The following ZMYM2 variants were observed in gnomAD, a reference collection of about 807,000 sequenced individuals.
The protein encoded by ZMYM2 is zinc finger MYM-type containing 2, also known as zinc finger MYM-type protein 2.
In ZMYM2, 56 loss-of-function variants were observed where a neutral mutation model predicts 162.8. The ratio of observed to expected loss-of-function variants is 0.34; its 90% CI spans 0.28 to 0.43. ZMYM2 has a LOEUF of 0.43. ZMYM2 is among the 20% of genes least tolerant of loss of function. The pLI is 1.00. For synonymous variants in ZMYM2, 510 were observed against 541.6 expected, an observed-to-expected ratio of 0.94 and a Z score of 0.81; for missense variants, 1,275 against 1,621.8, an observed-to-expected ratio of 0.79 and a Z score of 3.67.
At chr13:20,004,542 A>G (rs1433593460) in intron 4 of ZMYM2, among the ~76,000 whole-genome samples, 2 of 152,234 alleles carry the variant, frequency 1.3e-5, no homozygotes, top group African/African-American at 4.8e-5. Context: ...GGCGTGAGCC[A>G]CTGCGCTCAG....
the ZMYM2 span, among the ~76,000 whole-genome samples, chr13:19,870,922 T>C: frequency 0.012 from 1,828 of 152,204 alleles, 37 homozygotes; most frequent in African/African-American, 0.04. Context: ...CCACTGCGCC[T>C]GGCCTTACAC....
chr13:20,042,836 G>A (rs1251483896), intron 12 of ZMYM2, among the ~76,000 whole-genome samples: 2 of 152,112 alleles, frequency 1.3e-5, no homozygotes, highest in African/African-American at 4.8e-5. Flanking sequence ...TGATTGTCCT[G>A]CCTCAGCTTC....
chr13:19,983,825 C>T (rs973899326), intron 2 of ZMYM2, among the ~76,000 whole-genome samples: 1 of 151,756 alleles, frequency 6.6e-6, no homozygotes, highest in African/African-American at 2.4e-5. Context: ...GTTGGGGTTT[C>T]TCCATGTTGC....
At chr13:19,895,487 G>T in the ZMYM2 span, among the ~76,000 whole-genome samples, 3 of 151,874 alleles carry the variant, frequency 2.0e-5, no homozygotes, top group East Asian at 3.8e-4. Flanking sequence ...GGGCCTTCCC[G>T]CTGTGGGGAC....
chr13:19,963,636 C>A (rs968752514), intron 2 of ZMYM2, among the ~76,000 whole-genome samples: 1 of 152,032 alleles, frequency 6.6e-6, no homozygotes. Flanking sequence ...TCTTTATGGT[C>A]ATCACCAAAT....
chr13:19,947,456 T>C, the ZMYM2 span, among the ~76,000 whole-genome samples: 1 of 151,620 alleles, frequency 6.6e-6, no homozygotes, highest in Non-Finnish European at 1.5e-5. Context: ...TTCGTCTTTT[T>C]TTTTTTTTTT....
At chr13:19,988,781 CAAAA>C (rs778712045) in intron 2 of ZMYM2, among the ~76,000 whole-genome samples, 2 of 149,092 alleles carry the variant, frequency 1.3e-5, no homozygotes, top group Non-Finnish European at 1.5e-5. Flanking sequence ...GACTCCATCT[CAAAA>C]AAAAAGAAAA....
chr13:19,885,921 A>ATATGTGTATACACACATATATGTGTG, the ZMYM2 span, among the ~76,000 whole-genome samples: 16 of 45,846 alleles, frequency 3.5e-4, 3 homozygotes, highest in Admixed American at 1.2e-3. Context: ...ATATACACAT[A>ATATGTGTATACACACATATATGTGTG]TATATGTGTA....
At chr13:19,924,128 T>C in the ZMYM2 span, among the ~76,000 whole-genome samples, 2 of 152,176 alleles carry the variant, frequency 1.3e-5, no homozygotes, top group Admixed American at 6.6e-5. Flanking sequence ...CTTTAGAACT[T>C]TTTAATCTTG....
At chr13:20,065,491 C>G (rs969783113) in intron 19 of ZMYM2, among the ~76,000 whole-genome samples, 22 of 152,088 alleles carry the variant, frequency 1.4e-4, no homozygotes, top group African/African-American at 4.8e-4. Flanking sequence ...GCATTGCAAA[C>G]AGTGCCATCA....
the ZMYM2 span, among the ~76,000 whole-genome samples, chr13:19,898,399 AT>A: frequency 4.0e-5 from 6 of 151,710 alleles, no homozygotes; most frequent in Non-Finnish European, 7.4e-5. Context: ...TGCCCAGCTA[AT>A]TTTTTTGTAT....
the ZMYM2 span, among the ~76,000 whole-genome samples, chr13:19,904,020 C>T: frequency 6.6e-6 from 1 of 151,908 alleles, no homozygotes; most frequent in Non-Finnish European, 1.5e-5. Context: ...TAGAGAAGAC[C>T]TAGAGGACCC....
At chr13:19,919,572 A>G in the ZMYM2 span, among the ~76,000 whole-genome samples, 1 of 151,872 alleles carries the variant, frequency 6.6e-6, no homozygotes, top group Non-Finnish European at 1.5e-5. Flanking sequence ...TTGTGGTTTT[A>G]GTCTGCATTA....
chr13:19,885,254 A>C, the ZMYM2 span, among the ~76,000 whole-genome samples: 175 of 152,280 alleles, frequency 1.1e-3, 2 homozygotes, highest in East Asian at 0.025. Context: ...ATCCTGGGCC[A>C]CGGAGTGAGA....
chr13:19,974,823 A>G lies in ZMYM2; in HGVS notation c.-11+14797A>G, dbSNP rs149894179. Among the ~76,000 whole-genome samples, 214 of 152,240 alleles carry G rather than the reference A, an allele frequency of 1.4e-3. 2 individuals are homozygous for G. The South Asian group carries it at 0.027, about 19-fold the overall frequency. ...TGTTGGATGGATGCCTAAAAGTGGAATTGCTTGGTCAAAGAAATGTTTTTT... is the reference window on the plus strand; with the variant it reads ...TGTTGGATGGATGCCTAAAAGTGGAGTTGCTTGGTCAAAGAAATGTTTTTT... On this transcript the variant is annotated intron_variant, in intron 2 of 24. Coordinates refer to ENST00000610343, the MANE Select transcript of ZMYM2 (RefSeq NM_197968.4).
At chr13:19,969,182 A>G (rs1035747565) in intron 2 of ZMYM2, among the ~76,000 whole-genome samples, 7 of 152,200 alleles carry the variant, frequency 4.6e-5, no homozygotes, top group Admixed American at 1.3e-4. Context: ...TACTGTTACT[A>G]TCAACAATGG....
chr13:20,085,125 G>T (rs1345964572), intron 24 of ZMYM2, among the ~76,000 whole-genome samples: 1 of 152,036 alleles, frequency 6.6e-6, no homozygotes, highest in African/African-American at 2.4e-5. Context: ...TTTCCCCTTG[G>T]GGTTGCTGAA....
the ZMYM2 span, among the ~76,000 whole-genome samples, chr13:19,935,248 C>T: frequency 6.6e-6 from 1 of 152,098 alleles, no homozygotes; most frequent in Non-Finnish European, 1.5e-5. Flanking sequence ...ATTCTCCTGC[C>T]CCAGCCTCCT....
At chr13:19,959,579 T>C (rs1036453132) in intron 1 of ZMYM2, among the ~76,000 whole-genome samples, 9 of 152,108 alleles carry the variant, frequency 5.9e-5, no homozygotes, top group African/African-American at 2.2e-4. Context: ...GAGCCGCCCC[T>C]TACCTCTGAA....
Sources: allele counts gnomAD v4.1 joint callset (sites outside exome capture counted in the v4.1 genomes callset), GRCh38; gene constraint gnomAD v4.1.1; transcripts MANE v1.5; gene names NCBI Gene and HGNC (gene_info 2026-07-23, HGNC 2026-07-21).